The following PKP4 variants were observed in gnomAD, a reference collection of about 807,000 sequenced individuals.
PKP4 encodes plakophilin-4.
Under a neutral mutation model 145.1 loss-of-function variants are expected in PKP4, and 90 were observed. The ratio of observed to expected loss-of-function variants is 0.62; its 90% CI spans 0.52 to 0.74. PKP4 has a LOEUF of 0.74. Among genes scored for constraint, PKP4 ranks in the 30% least tolerant of loss-of-function variants. The pLI is 0.00. For missense variants in PKP4, 1,340 were observed against 1,482.7 expected (o/e 0.90, Z 1.58); for synonymous variants, 563 against 577.2 (o/e 0.98, Z 0.35).
intron 9 of PKP4, among the ~76,000 whole-genome samples, chr2:158,637,866 A>G (rs2053943698): frequency 6.6e-6 from 1 of 152,166 alleles, no homozygotes; most frequent in Non-Finnish European, 1.5e-5. Flanking sequence ...CCAGCCTACA[A>G]ATTGATAGCA....
chr2:158,469,309 C>T (rs946817664), intron 1 of PKP4, among the ~76,000 whole-genome samples: 2 of 152,078 alleles, frequency 1.3e-5, no homozygotes, highest in Non-Finnish European at 2.9e-5. Context: ...AGGCTGGTCT[C>T]GAACTCCTGA....
rs770138219 is a variant in PKP4 at position 158,669,757 on chromosome 2, C to T, written c.2766C>T (p.Pro922=). 13 of 1,603,380 alleles carry T rather than the reference C, an allele frequency of 8.1e-6. No homozygotes were observed. The African/African-American group carries it at 1.1e-4, about 13-fold the overall frequency. ...TGCGAGACCTGGTCAACCGGCTCCCCGGCGGCAATGGCCCCAGTGTCTTGT... is the reference window on the plus strand; with the variant it reads ...TGCGAGACCTGGTCAACCGGCTCCCTGGCGGCAATGGCCCCAGTGTCTTGT... The part of the protein sequence containing the change: ...YAMRDLVNRL[P]GGNGPSVLSD... The change falls in exon 17 of 22, where the codon CCC becomes CCT. Residue 922 remains proline, a synonymous_variant. Coordinates refer to ENST00000389759, the MANE Select transcript of PKP4 (RefSeq NM_003628.6).
intron 2 of PKP4, among the ~76,000 whole-genome samples, chr2:158,567,465 T>A (rs1400251450): frequency 6.6e-6 from 1 of 152,300 alleles, no homozygotes; most frequent in Admixed American, 6.5e-5. Flanking sequence ...TGGGTTGGGT[T>A]GGGTAGAGCG....
chr2:158,630,838 G>T (rs1202709054), intron 7 of PKP4, among the ~76,000 whole-genome samples: 3 of 152,192 alleles, frequency 2.0e-5, no homozygotes, highest in Non-Finnish European at 4.4e-5. Flanking sequence ...TAGCTTACTG[G>T]AGGATGAATC....
intron 17 of PKP4, among the ~76,000 whole-genome samples, 155 bp downstream of exon 17, chr2:158,670,070 GC>G (rs1484936235): frequency 6.6e-6 from 1 of 152,198 alleles, no homozygotes. Flanking sequence ...CTTACAACCT[GC>G]TATGCTGGGA....
chr2:158,511,010 G>C (rs958481175), intron 1 of PKP4, among the ~76,000 whole-genome samples: 1 of 152,212 alleles, frequency 6.6e-6, no homozygotes, highest in Non-Finnish European at 1.5e-5. Context: ...AGTGGTAGGG[G>C]AAGGCCTCTG....
At chr2:158,483,063 C>CT (rs796286628) in intron 1 of PKP4, among the ~76,000 whole-genome samples, 36 of 152,252 alleles carry the variant, frequency 2.4e-4, no homozygotes, top group African/African-American at 8.7e-4. Context: ...TGGTTCATCT[C>CT]TAAGTCATGA....
intron 9 of PKP4, among the ~76,000 whole-genome samples, chr2:158,640,004 A>G (rs887225676): frequency 6.6e-6 from 1 of 152,246 alleles, no homozygotes; most frequent in Non-Finnish European, 1.5e-5. Context: ...TTTTATGGAA[A>G]AAATTCCAAA....
Position 158,533,219 on chromosome 2 carries a change from A to AG in PKP4, c.39dup (p.Gln14AlafsTer57). The AG allele has an allele frequency of 1.2e-6, 2 of 1,613,558 alleles. No individual in the cohort carries two copies. The highest frequency in any genetic ancestry group is 1.7e-6 in the Non-Finnish European group (2 of 1,179,942). On this transcript the variant is annotated frameshift_variant, in exon 2 of 22. Transcript: ENST00000389759. LOFTEE classifies it high-confidence loss of function. The stretch of plus-strand genomic sequence containing the variant: ...CCTGAGCAGGCCTCATTGGTGGAGG[A>AG]GGGGCAACCACAGACCCGCCAGGAA...
In PKP4 at chr2:158,642,603, G is replaced by A. The variant is rs776377978; in HGVS notation, c.1813G>A (p.Glu605Lys). 2.0e-5 allele frequency: 33 copies of A among 1,613,586 alleles called. No individual in the cohort carries two copies. The South Asian group carries it at 3.6e-4, about 18-fold the overall frequency. ...CCTCGTTTTTGGCAAGTCTACAGATGAAAATAAAATAGCAATGAAGAATGT... is the reference window on the plus strand; with the variant it reads ...CCTCGTTTTTGGCAAGTCTACAGATAAAAATAAAATAGCAATGAAGAATGT... The part of the protein sequence containing the change: ...RNLVFGKSTD[E>K]NKIAMKNVGG... The change falls in exon 11 of 22, where the codon GAA (glutamate) becomes AAA (lysine). Residue 605 changes from glutamate (E) to lysine (K), a missense_variant. Glu to Lys is a moderately conservative substitution (Grantham distance 56). Coordinates refer to ENST00000389759, the MANE Select transcript of PKP4 (RefSeq NM_003628.6).
intron 1 of PKP4, among the ~76,000 whole-genome samples, chr2:158,460,569 CTT>C (rs1225448658): frequency 6.6e-6 from 1 of 152,278 alleles, no homozygotes; most frequent in East Asian, 1.9e-4. Context: ...TTACCTGACT[CTT>C]TTGAAATATT....
intron 4 of PKP4, among the ~76,000 whole-genome samples, chr2:158,606,151 AACTCTGTGTTTAACCC>A (rs2050635461): frequency 6.6e-6 from 1 of 152,166 alleles, no homozygotes; most frequent in Non-Finnish European, 1.5e-5. Context: ...GTCACATGGT[AACTCTGTGTTTAACCC>A]GTTAAGCAAC....
At chr2:158,671,159 G>A (rs1282504758) in intron 17 of PKP4, among the ~76,000 whole-genome samples, 1 of 152,088 alleles carries the variant, frequency 6.6e-6, no homozygotes, top group East Asian at 1.9e-4. Flanking sequence ...CTCATAACAG[G>A]TGTTTGGTGA....
At chr2:158,666,930 T>C (rs1374757730) in intron 16 of PKP4, among the ~76,000 whole-genome samples, 1 of 152,190 alleles carries the variant, frequency 6.6e-6, no homozygotes, top group East Asian at 1.9e-4. Context: ...TCACCAACAC[T>C]ACCATACTCT....
chr2:158,589,940 G>A (rs1379341328), intron 3 of PKP4, among the ~76,000 whole-genome samples: 1 of 152,132 alleles, frequency 6.6e-6, no homozygotes, highest in Admixed American at 6.5e-5. Context: ...TGCGTTTTCA[G>A]CAGTTAATCA....
At chr2:158,497,735 A>T (rs1000059697) in intron 1 of PKP4, among the ~76,000 whole-genome samples, 2 of 152,244 alleles carry the variant, frequency 1.3e-5, no homozygotes, top group African/African-American at 4.8e-5. Context: ...ATAATGTTTT[A>T]AAGTGCTTAG....
intron 3 of PKP4, among the ~76,000 whole-genome samples, chr2:158,579,242 G>C (rs1326647436): frequency 6.6e-6 from 1 of 152,060 alleles, no homozygotes; most frequent in Non-Finnish European, 1.5e-5. Context: ...GGACTTGTCA[G>C]TGCCCATCCT....
At chr2:158,646,031 T>C (rs550195778) in intron 11 of PKP4, among the ~76,000 whole-genome samples, 2 of 152,316 alleles carry the variant, frequency 1.3e-5, no homozygotes, top group African/African-American at 4.8e-5. Context: ...GACATGGACC[T>C]TGGCCTTGAA....
rs75168015 is a variant in PKP4, at chr2:158,500,168, C to T, written c.-5-33012C>T. Among the ~76,000 whole-genome samples, 1,343 of 152,230 alleles carry T rather than the reference C, an allele frequency of 8.8e-3. 20 individuals carry two copies. The highest frequency in any genetic ancestry group is 0.03 in the African/African-American group (1,234 of 41,514). ...CTAATTACTCTATTTTTACTAGTCC[C>T]ATCATTTCTCTTTCTCCTGCAAGAA... On this transcript the variant is annotated intron_variant, in intron 1 of 21. Transcript: ENST00000389759.
Sources: gnomAD v4.1 joint callset for allele counts (sites outside exome capture counted in the v4.1 genomes callset) on GRCh38, gnomAD v4.1.1 for gene constraint, MANE v1.5 for transcripts, NCBI Gene and HGNC (gene_info 2026-07-23, HGNC 2026-07-21) for gene names.